The following RAD54L variants were observed in gnomAD, a reference collection of about 807,000 sequenced individuals.
RAD54L encodes DNA repair and recombination protein RAD54-like.
RAD54L carries 74 observed loss-of-function variants against 91.6 expected under a neutral mutation model. The ratio of observed to expected loss-of-function variants is 0.81; its 90% CI spans 0.67 to 0.98. The LOEUF is 0.98. Among genes scored for constraint, RAD54L ranks in the 50% least tolerant of loss-of-function variants. The probability of loss-of-function intolerance (pLI) is 0.00; values close to 1 mark genes in which losing one functional copy is unlikely to be tolerated. For missense variants in RAD54L, 887 were observed against 945.7 expected (o/e 0.94, Z 0.81); for synonymous variants, 304 against 349.7 (o/e 0.87, Z 1.46).
At chr1:46,270,423 A>G (rs1253946490) in intron 9 of RAD54L, among the ~76,000 whole-genome samples, 1 of 151,860 alleles carries the variant, frequency 6.6e-6, no homozygotes, top group Non-Finnish European at 1.5e-5. Context: ...CAATCCATTT[A>G]CATTTACTCT....
chr1:46,260,976 A>T lies in RAD54L; in HGVS notation c.727A>T (p.Ile243Phe). Reference sequence around the variant, plus strand: ...CGGAGGGAGGATCCAACCTCTGGCCATCGATGGAGGATCTAAGGATGAAAT... The same window carrying T: ...CGGAGGGAGGATCCAACCTCTGGCCTTCGATGGAGGATCTAAGGATGAAAT... Reference protein sequence around the residue: ...WLGGRIQPLAIDGGSKDEIDQ... With the variant: ...WLGGRIQPLAFDGGSKDEIDQ... Residue 243 changes from isoleucine (I) to phenylalanine (F), a missense_variant, in exon 7 of 18, where the codon ATC (isoleucine) becomes TTC (phenylalanine). Coordinates refer to ENST00000371975, the MANE Select transcript of RAD54L (RefSeq NM_003579.4). The T allele has an allele frequency of 1.2e-6, 2 of 1,614,124 alleles. No individual in the cohort carries two copies. The highest frequency in any genetic ancestry group is 1.7e-6 in the Non-Finnish European group (2 of 1,180,030).
At position 46,272,659 on chromosome 1, in the gene RAD54L, C is replaced by T; in HGVS notation, c.1245-13C>T. 6.2e-7 allele frequency: 1 copy of T among 1,614,184 alleles called. No individual in the cohort carries two copies. Among genetic ancestry groups the T allele is most frequent in the South Asian group, 1.1e-5 (1 of 91,084 alleles). ...GGTCTAGCTTTTTCCACTGACCCAG[C>T]TGCCTTTTTTAGGCTGACACCCCTT... On this transcript the variant is annotated splice_polypyrimidine_tract_variant and intron_variant, in intron 11 of 17. Transcript: ENST00000371975.
rs752439060 is a variant in RAD54L, at chr1:46,248,399, GC to G, written c.-4del. On this transcript the variant is annotated 5_prime_UTR_variant, in exon 1 of 18. Transcript: ENST00000371975. The stretch of plus-strand genomic sequence containing the variant: ...GGTACTTGACGTTTTAAACTCCTAG[GC>G]CCAGGATGGTAAGTGTGGGCCTAGG... The G allele has an allele frequency of 4.3e-6, 7 of 1,613,760 alleles. No homozygotes were observed. Among genetic ancestry groups the G allele is most frequent in the African/African-American group, 2.7e-5 (2 of 74,900 alleles).
At chr1:46,274,746 G>C in intron 16 of RAD54L, 29 bp downstream of exon 16, 1 of 1,613,612 alleles carries the variant, frequency 6.2e-7, no homozygotes, top group South Asian at 1.1e-5. Flanking sequence ...GTCATAGTAG[G>C]GGTGGGTCAT....
At chr1:46,255,917 A>G (rs1402292041) in intron 3 of RAD54L, among the ~76,000 whole-genome samples, 1 of 152,144 alleles carries the variant, frequency 6.6e-6, no homozygotes, top group Non-Finnish European at 1.5e-5. Context: ...CCTGTGTTCT[A>G]TTGAAAGTCT....
At chr1:46,260,411 G>A (rs1482983896) in intron 5 of RAD54L, 131 bp from the exon 6 acceptor site, 4 of 1,018,742 alleles carry the variant, frequency 3.9e-6, no homozygotes, top group African/African-American at 3.2e-5. Flanking sequence ...ATGGTTTTAC[G>A]ATTTATCAGC....
chr1:46,269,980 C>G (rs1660374345), intron 9 of RAD54L, among the ~76,000 whole-genome samples: 1 of 151,912 alleles, frequency 6.6e-6, no homozygotes, highest in South Asian at 2.1e-4. Flanking sequence ...TGGCATGTGC[C>G]TGTAGTCCCA....
rs573982473 is a variant in RAD54L at position 46,263,039 on chromosome 1, C to G, written c.891+1654C>G. On this transcript the variant is annotated intron_variant, in intron 8 of 17. Transcript: ENST00000371975. This position sits in a 1 kb window ranked among gnomAD's most constrained non-coding sequence, Gnocchi z 4.3. ...TAAGAAAAAGCTCTTATCGCAGTGC[C>G]TGGTATGTCATAAGGCCTTGGCAAA... Among the ~76,000 whole-genome samples the G allele has an allele frequency of 1.4e-4, 22 of 151,978 alleles. No individual in the cohort carries two copies. Among genetic ancestry groups the G allele is most frequent in the South Asian group, 6.3e-4 (3 of 4,796 alleles).
chr1:46,251,638 G>C (rs933270177), intron 3 of RAD54L, among the ~76,000 whole-genome samples: 1 of 152,182 alleles, frequency 6.6e-6, no homozygotes, highest in African/African-American at 2.4e-5. Context: ...TGGGCATGTT[G>C]GTTCATGCCT....
At position 46,275,953 on chromosome 1, in the gene RAD54L, TA is replaced by T. The variant is rs11378327; in HGVS notation, c.1869+1250del. Among the ~76,000 whole-genome samples the T allele has an allele frequency of 8.7e-4, 128 of 147,090 alleles. 1 individual carries two copies. In the Middle Eastern group the frequency reaches 0.035, roughly 40 times the overall value. On this transcript the variant is annotated intron_variant, in intron 16 of 17. Transcript: ENST00000371975. ...TGGGTGACAGAACAGGATCCCGTCT[TA>T]AAAAAAAAAAAAATTTTTTTTCTCG...
chr1:46,268,824 G>A (rs186613883), intron 9 of RAD54L, among the ~76,000 whole-genome samples: 5 of 152,260 alleles, frequency 3.3e-5, no homozygotes, highest in African/African-American at 9.6e-5. Flanking sequence ...GGAGTACAGC[G>A]TTGCAGTCAT....
intron 8 of RAD54L, among the ~76,000 whole-genome samples, chr1:46,264,647 ACGTCAT>A (rs1660218417): frequency 6.6e-6 from 1 of 152,256 alleles, no homozygotes; most frequent in African/African-American, 2.4e-5. Context: ...AGAGGGATTG[ACGTCAT>A]CGTCATCTCA....
Position 46,277,763 on chromosome 1 carries a change from A to G in RAD54L, c.1870-54A>G, listed in dbSNP as rs1266167405. On this transcript the variant is annotated intron_variant, in intron 16 of 17. Coordinates refer to ENST00000371975, the MANE Select transcript of RAD54L (RefSeq NM_003579.4). ...CCTTTGGTTTTCCTGCTCCCTTTTT[A>G]TGAGGATGGCTAAGCGCTGTATCTT... 3.2e-6 allele frequency: 5 copies of G among 1,540,488 alleles called. No homozygotes were observed. In the East Asian group the frequency reaches 9.0e-5, roughly 28 times the overall value.
At chr1:46,251,565 C>CA (rs753641730) in intron 3 of RAD54L, among the ~76,000 whole-genome samples, 24 of 149,126 alleles carry the variant, frequency 1.6e-4, no homozygotes, top group Middle Eastern at 3.4e-3. Flanking sequence ...GAGACCACCT[C>CA]AAAAAAAAAA....
chr1:46,277,401 T>G (rs1300781703), intron 16 of RAD54L: 2 of 268,740 alleles, frequency 7.4e-6, no homozygotes, highest in African/African-American at 2.2e-5. Flanking sequence ...GTCTAGGAGC[T>G]AAAGGATAGG....
intron 16 of RAD54L, among the ~76,000 whole-genome samples, chr1:46,275,196 C>A (rs1660557983): frequency 6.6e-6 from 1 of 152,216 alleles, no homozygotes; most frequent in Non-Finnish European, 1.5e-5. Flanking sequence ...GCCTTCATTT[C>A]TTTCCCAAAT....
rs1170199025 is a variant in RAD54L, at chr1:46,250,850, C to G, written c.210+731C>G. 3.3e-5 allele frequency among the ~76,000 whole-genome samples: 5 copies of G among 150,806 alleles called. No homozygotes were observed. In the Admixed American group the frequency reaches 3.3e-4, roughly 10 times the overall value. ...ATTAACTGGGCATGGTGTCATACCC[C>G]TGTAGTCCCAGCTACTCAAGTGAGG... On this transcript the variant is annotated intron_variant, in intron 3 of 17. Coordinates refer to ENST00000371975, the MANE Select transcript of RAD54L (RefSeq NM_003579.4).
In RAD54L at chr1:46,265,743, T is replaced by C. The variant is rs1397197376; in HGVS notation, c.892-1716T>C. On this transcript the variant is annotated intron_variant, in intron 8 of 17. Coordinates refer to ENST00000371975, the MANE Select transcript of RAD54L (RefSeq NM_003579.4). This position sits in a 1 kb window ranked among gnomAD's most constrained non-coding sequence, Gnocchi z 4.8. ...GTTGAGAAGATAAAGTACAGTAGAG[T>C]GTGATTAGTACTCTAGTATATATAT... is the stretch of plus-strand genomic sequence containing the variant. Among the ~76,000 whole-genome samples the C allele has an allele frequency of 6.6e-6, 1 of 151,864 alleles. No individual in the cohort carries two copies. Among genetic ancestry groups the C allele is most frequent in the Non-Finnish European group, 1.5e-5 (1 of 67,970 alleles).
At chr1:46,261,408 G>T in intron 8 of RAD54L, 23 bp downstream of exon 8, 2 of 1,613,902 alleles carry the variant, frequency 1.2e-6, no homozygotes, top group Non-Finnish European at 1.7e-6. Context: ...CAGCAGTCTG[G>T]GTGGTAGGAG....
Sources: gnomAD v4.1 joint callset for allele counts (sites outside exome capture counted in the v4.1 genomes callset) on GRCh38, gnomAD v4.1.1 for gene constraint, Gnocchi (gnomAD v3.1) non-coding constraint, MANE v1.5 for transcripts, NCBI Gene and HGNC (gene_info 2026-07-23, HGNC 2026-07-21) for gene names.